TSHZ2: variants seen among roughly 807,000 people sequenced by gnomAD.
TSHZ2 encodes the protein teashirt homolog 2.
Under a neutral mutation model 74.4 loss-of-function variants are expected in TSHZ2, and 21 were observed. That is an observed-to-expected ratio of 0.28 (90% confidence interval 0.20 to 0.41). TSHZ2 has a LOEUF of 0.41. TSHZ2 is among the 10% of genes least tolerant of loss of function. The pLI, the probability that TSHZ2 is intolerant of heterozygous loss-of-function variation, is 1.00. For synonymous variants in TSHZ2, 540 were observed against 515.3 expected, an observed-to-expected ratio of 1.05 and a Z score of -0.65; for missense variants, 1,244 against 1,293.5, an observed-to-expected ratio of 0.96 and a Z score of 0.59.
intron 1 of TSHZ2, among the ~76,000 whole-genome samples, chr20:52,977,827 G>A (rs1600626041): frequency 6.6e-6 from 1 of 152,208 alleles, no homozygotes; most frequent in Admixed American, 6.5e-5. Context: ...CTGTAAGGGA[G>A]CAGGGGCTCC....
chr20:53,167,614 G>C (rs6097267), intron 1 of TSHZ2, among the ~76,000 whole-genome samples: 1 of 151,976 alleles, frequency 6.6e-6, no homozygotes, highest in African/African-American at 2.4e-5. Flanking sequence ...TGTTTAATAA[G>C]GGACTCTAGG....
At chr20:53,328,006 C>G (rs1361700859) in intron 2 of TSHZ2, among the ~76,000 whole-genome samples, 1 of 152,192 alleles carries the variant, frequency 6.6e-6, no homozygotes, top group Non-Finnish European at 1.5e-5. Flanking sequence ...AGAGGCCAAC[C>G]AGGGCCTGAC....
At chr20:53,464,612 C>G (rs1333060552) in intron 2 of TSHZ2, among the ~76,000 whole-genome samples, 1 of 152,156 alleles carries the variant, frequency 6.6e-6, no homozygotes, top group Admixed American at 6.5e-5. Context: ...TAGGTGCACA[C>G]CACCATGCCC....
At chr20:53,279,856 A>C (rs1235523548) in intron 2 of TSHZ2, among the ~76,000 whole-genome samples, 1 of 152,196 alleles carries the variant, frequency 6.6e-6, no homozygotes, top group Non-Finnish European at 1.5e-5. Context: ...CTTCTGACAT[A>C]TGAAGGACTG....
intron 1 of TSHZ2, among the ~76,000 whole-genome samples, chr20:53,164,463 T>G (rs1988019970): frequency 2.6e-5 from 4 of 152,064 alleles, no homozygotes; most frequent in Admixed American, 2.6e-4. Flanking sequence ...GTTGAAATAC[T>G]GAGATAAGGA....
intron 1 of TSHZ2, among the ~76,000 whole-genome samples, chr20:53,073,373 C>T (rs1222701028): frequency 1.3e-5 from 2 of 151,352 alleles, no homozygotes; most frequent in Non-Finnish European, 3.0e-5. Flanking sequence ...TCCCTCCCTC[C>T]CTCCATCCAT....
At chr20:53,304,563 C>G (rs962987904) in intron 2 of TSHZ2, among the ~76,000 whole-genome samples, 5 of 152,152 alleles carry the variant, frequency 3.3e-5, no homozygotes, top group African/African-American at 1.2e-4. Context: ...TGCCCCAAAC[C>G]TAAACTCAGC....
intron 1 of TSHZ2, among the ~76,000 whole-genome samples, chr20:53,069,662 TACACACACAC>T (rs11471151): frequency 0.12 from 17,039 of 138,850 alleles, 1,275 homozygotes; most frequent in South Asian, 0.24. Flanking sequence ...AATGCTTTGA[TACACACACAC>T]ACACACACAC....
Position 53,385,783 on chromosome 20 carries a change from A to G in TSHZ2, c.*9-101361A>G, listed in dbSNP as rs909862558. On this transcript the variant is annotated intron_variant, in intron 2 of 2. Coordinates refer to ENST00000371497, the MANE Select transcript of TSHZ2 (RefSeq NM_173485.6). Reference sequence around the variant, plus strand: ...GGACCAGGGATAACAACGAGGAACAAAGCCCAGGCCCTGCCTAAGGCAAGA... The same window carrying G: ...GGACCAGGGATAACAACGAGGAACAGAGCCCAGGCCCTGCCTAAGGCAAGA... 1.7e-4 allele frequency among the ~76,000 whole-genome samples: 26 copies of G among 152,148 alleles called. 1 individual carries two copies. Among genetic ancestry groups the G allele is most frequent in the African/African-American group, 6.3e-4 (26 of 41,442 alleles).
At chr20:53,285,396 A>G (rs1991145448) in intron 2 of TSHZ2, among the ~76,000 whole-genome samples, 1 of 152,126 alleles carries the variant, frequency 6.6e-6, no homozygotes, top group Non-Finnish European at 1.5e-5. Flanking sequence ...ATTTTTTTGC[A>G]GATGTTGGGT....
intron 1 of TSHZ2, among the ~76,000 whole-genome samples, chr20:53,101,597 C>T (rs570981441): frequency 6.6e-6 from 1 of 152,320 alleles, no homozygotes; most frequent in Non-Finnish European, 1.5e-5. Context: ...CCACAGCCCC[C>T]ACTCCTCCTG....
intron 1 of TSHZ2, among the ~76,000 whole-genome samples, chr20:53,204,058 TATATC>T (rs1438736727): frequency 1.4e-5 from 2 of 147,792 alleles, no homozygotes; most frequent in Admixed American, 6.8e-5. Context: ...AATATACTAT[TATATC>T]ATATTATATG....
intron 2 of TSHZ2, among the ~76,000 whole-genome samples, chr20:53,472,258 T>C (rs1173379231): frequency 6.6e-6 from 1 of 152,182 alleles, no homozygotes; most frequent in Non-Finnish European, 1.5e-5. Context: ...CCAGGGCAGA[T>C]AGGCGCAGGC....
At chr20:53,421,734 G>A (rs1184387425) in intron 2 of TSHZ2, 1 of 140,570 alleles carries the variant, frequency 7.1e-6, no homozygotes, top group African/African-American at 2.8e-5. Flanking sequence ...CCAGGCTGGA[G>A]TGCAGTGGCG....
intron 1 of TSHZ2, among the ~76,000 whole-genome samples, chr20:53,083,429 G>A (rs1350948322): frequency 2.0e-5 from 3 of 152,118 alleles, no homozygotes; most frequent in Non-Finnish European, 4.4e-5. Context: ...CATTTCTATC[G>A]GTTTTAACCG....
chr20:53,052,923 A>T (rs1984522139), intron 1 of TSHZ2, among the ~76,000 whole-genome samples: 1 of 152,236 alleles, frequency 6.6e-6, no homozygotes, highest in African/African-American at 2.4e-5. Flanking sequence ...AAAGTATAAA[A>T]TTCAACAGTG....
In TSHZ2 at chr20:53,092,891, T is replaced by C. The variant is rs559837686; in HGVS notation, c.40+119558T>C. On this transcript the variant is annotated intron_variant, in intron 1 of 2. Coordinates refer to ENST00000371497, the MANE Select transcript of TSHZ2 (RefSeq NM_173485.6). ...TCAGCTTTGCAGGTCATATAGTCTCTGCAGTACCTACTCAGCTGGAAAGCA... is the reference window on the plus strand; with the variant it reads ...TCAGCTTTGCAGGTCATATAGTCTCCGCAGTACCTACTCAGCTGGAAAGCA... Among the ~76,000 whole-genome samples, 16 of 152,350 alleles carry C rather than the reference T, an allele frequency of 1.1e-4. No homozygotes were observed. The South Asian group carries it at 3.3e-3, about 32-fold the overall frequency.
intron 1 of TSHZ2, among the ~76,000 whole-genome samples, chr20:53,170,121 A>G (rs1988162158): frequency 6.6e-6 from 1 of 152,168 alleles, no homozygotes; most frequent in African/African-American, 2.4e-5. Flanking sequence ...ATAGCTAGTA[A>G]TTACAGAGCC....
chr20:53,260,610 T>A (rs1317726540), intron 2 of TSHZ2, among the ~76,000 whole-genome samples: 1 of 152,192 alleles, frequency 6.6e-6, no homozygotes, highest in Admixed American at 6.5e-5. Flanking sequence ...TGGAAAAGAA[T>A]GCTGGATTTA....
Sources: gnomAD v4.1 joint callset for allele counts (sites outside exome capture counted in the v4.1 genomes callset) on GRCh38, gnomAD v4.1.1 for gene constraint, MANE v1.5 for transcripts, NCBI Gene and HGNC (gene_info 2026-07-23, HGNC 2026-07-21) for gene names.